The following BBS1 variants were observed in gnomAD, a reference collection of about 807,000 sequenced individuals.
BBS1 encodes Bardet-Biedl syndrome 1, also known as BBSome complex member BBS1.
In BBS1, 60 loss-of-function variants were observed where a neutral mutation model predicts 73.9. The ratio of observed to expected loss-of-function variants is 0.81; its 90% confidence interval spans 0.66 to 1.01. BBS1 has a LOEUF of 1.01. BBS1 is among the 50% of genes least tolerant of loss of function. BBS1 has a pLI of 0.00. For synonymous variants in BBS1, 283 were observed against 317.4 expected (o/e 0.89, Z 1.15); for missense variants, 718 against 770.3 (o/e 0.93, Z 0.80).
At chr11:66,512,003 A>AT (rs1265164734) in intron 3 of BBS1, among the ~76,000 whole-genome samples, 193 of 140,272 alleles carry the variant, frequency 1.4e-3, no homozygotes, top group African/African-American at 3.0e-3. Flanking sequence ...TTCAAAAAAA[A>AT]ATATATATAT....
At chr11:66,514,799 T>G in intron 4 of BBS1, 121 bp downstream of exon 4, 16 of 1,170,574 alleles carry the variant, frequency 1.4e-5, no homozygotes, top group Non-Finnish European at 1.6e-5. Flanking sequence ...AGTCCATCTC[T>G]GACAGCAGCA....
chr11:66,528,028 C>T lies in BBS1; in HGVS notation c.1339+1221C>T, dbSNP rs187120187. Among the ~76,000 whole-genome samples, 857 of 152,192 alleles carry T rather than the reference C, an allele frequency of 5.6e-3. 27 individuals carry two copies. The highest frequency in any genetic ancestry group is 3.2e-3 in the Non-Finnish European group (218 of 67,990). On this transcript the variant is annotated intron_variant, in intron 13 of 16. Transcript: ENST00000318312. Reference sequence around the variant, plus strand: ...GGCAGATCACCTGAGGTCAGGAGTTCGTGACCAGCCTGGCCAACATGGTGA... The same window carrying T: ...GGCAGATCACCTGAGGTCAGGAGTTTGTGACCAGCCTGGCCAACATGGTGA...
chr11:66,527,075 C>G (rs745970146), intron 13 of BBS1: 1 of 1,494,058 alleles, frequency 6.7e-7, no homozygotes, highest in Non-Finnish European at 9.0e-7. Context: ...CAGGAATTCT[C>G]ATGAGGAAAG....
chr11:66,515,273 G>A (rs1856024628), intron 4 of BBS1, among the ~76,000 whole-genome samples: 2 of 152,284 alleles, frequency 1.3e-5, no homozygotes, highest in East Asian at 1.9e-4. Context: ...ACCAAAGAAG[G>A]TAGGGGCCTG....
Position 66,532,602 on chromosome 11 carries a change from T to G in BBS1, c.*565T>G, listed in dbSNP as rs921862745. On this transcript the variant is annotated 3_prime_UTR_variant, in exon 17 of 17. Transcript: ENST00000318312. ...GAGCAAACCCAGGGAATAGCCCTCC[T>G]CTCCCCAGGAAACTTCTCTGAAATC... is the stretch of plus-strand genomic sequence containing the variant. The G allele has an allele frequency of 9.0e-5, 14 of 155,372 alleles. No individual in the cohort carries two copies. The highest frequency in any genetic ancestry group is 8.7e-4 in the Admixed American group (14 of 16,046). The allele number at this position is 155,372 out of a possible 1,614,324, so 9.6% of individuals were successfully genotyped here.
Position 66,526,120 on chromosome 11 carries a change from T to C in BBS1, c.1111-3T>C. ...CCAACTAAACTCTGACGTCTCCACA[T>C]AGGATGCAGTGACCAGCCTTTGCTT... On this transcript the variant is annotated splice_polypyrimidine_tract_variant and splice_region_variant and intron_variant, in intron 11 of 16. Coordinates refer to ENST00000318312, the MANE Select transcript of BBS1 (RefSeq NM_024649.5). 1 of 1,614,084 alleles carries C rather than the reference T, an allele frequency of 6.2e-7. No homozygotes were observed. Among genetic ancestry groups the C allele is most frequent in the Non-Finnish European group, 8.5e-7 (1 of 1,179,966 alleles).
chr11:66,515,555 T>G lies in BBS1; in HGVS notation c.448T>G (p.Leu150Val). Residue 150 changes from leucine (L) to valine (V), a missense_variant, in exon 5 of 17, where the codon TTA (leucine) becomes GTA (valine). Transcript: ENST00000318312. ...NQAKEDRIDP[L>V]TLKEMLESIR... ...ATTGTCACAGGACCGAATCGACCCCTTAACCCTGAAGGAGATGCTGGAGAG... is the reference window on the plus strand; with the variant it reads ...ATTGTCACAGGACCGAATCGACCCCGTAACCCTGAAGGAGATGCTGGAGAG... The G allele has an allele frequency of 6.2e-7, 1 of 1,614,138 alleles. No homozygotes were observed. Among genetic ancestry groups the G allele is most frequent in the Non-Finnish European group, 8.5e-7 (1 of 1,180,024 alleles).
intron 11 of BBS1, chr11:66,524,409 CAT>C: frequency 4.9e-6 from 1 of 202,274 alleles, no homozygotes; most frequent in Non-Finnish European, 1.0e-5. Context: ...CAGCCAGAGA[CAT>C]AGCAAATTTA....
intron 3 of BBS1, 138 bp downstream of exon 3, chr11:66,511,377 T>A: frequency 9.1e-7 from 1 of 1,094,012 alleles, no homozygotes; most frequent in Non-Finnish European, 1.3e-6. Flanking sequence ...GCGTTAAATT[T>A]TGTTTTTATA....
intron 7 of BBS1, among the ~76,000 whole-genome samples, chr11:66,516,887 A>G (rs1856060746): frequency 6.6e-6 from 1 of 152,010 alleles, no homozygotes; most frequent in African/African-American, 2.4e-5. Flanking sequence ...TAATCACACA[A>G]TGAGCACCTT....
rs10896125 is a variant in BBS1 at position 66,521,262 on chromosome 11, G to A, written c.724-8G>A. 1 of 1,611,840 alleles carries A rather than the reference G, an allele frequency of 6.2e-7. No individual in the cohort carries two copies. Among genetic ancestry groups the A allele is most frequent in the Non-Finnish European group, 8.5e-7 (1 of 1,178,100 alleles). Reference sequence around the variant, plus strand: ...AGAAATTGGAGTGTTTGCGCTTCTTGTTTGCAGATGAGCCTTCCCAGCGTC... The same window carrying A: ...AGAAATTGGAGTGTTTGCGCTTCTTATTTGCAGATGAGCCTTCCCAGCGTC... On this transcript the variant is annotated splice_polypyrimidine_tract_variant and splice_region_variant and intron_variant, in intron 8 of 16. Transcript: ENST00000318312.
intron 13 of BBS1, chr11:66,527,793 A>T (rs796684539): frequency 2.0e-5 from 3 of 152,228 alleles, no homozygotes; most frequent in African/African-American, 7.2e-5. Flanking sequence ...GAGCACACAG[A>T]GGGAGTAAGG....
At chr11:66,518,593 G>T (rs946072612) in intron 7 of BBS1, among the ~76,000 whole-genome samples, 3 of 151,962 alleles carry the variant, frequency 2.0e-5, no homozygotes, top group Non-Finnish European at 2.9e-5. Context: ...AGCCTCCTGG[G>T]TAGCTGGGAT....
intron 14 of BBS1, among the ~76,000 whole-genome samples, chr11:66,530,629 G>T (rs1024184575): frequency 3.9e-5 from 6 of 152,168 alleles, no homozygotes; most frequent in Non-Finnish European, 7.4e-5. Flanking sequence ...GGCAGGGGGT[G>T]GGGGTGAGGG....
chr11:66,527,530 G>A (rs146362603), intron 13 of BBS1: 116 of 174,656 alleles, frequency 6.6e-4, no homozygotes, highest in African/African-American at 1.6e-3. Context: ...TTAGCCAGGC[G>A]TGTTGGCATG....
intron 8 of BBS1, 81 bp from the exon 9 acceptor site, chr11:66,521,189 C>G (rs1172916284): frequency 5.8e-6 from 6 of 1,028,824 alleles, no homozygotes; most frequent in Non-Finnish European, 7.7e-6. Context: ...AGACCAGGCA[C>G]TCACTCAGAG....
intron 7 of BBS1, among the ~76,000 whole-genome samples, chr11:66,516,416 G>A (rs573442779): frequency 1.3e-5 from 2 of 152,250 alleles, no homozygotes; most frequent in Admixed American, 6.5e-5. Flanking sequence ...GTGAGCCATC[G>A]TGCCATGCCA....
chr11:66,529,402 G>A, intron 13 of BBS1: 4 of 1,192,438 alleles, frequency 3.4e-6, no homozygotes, highest in South Asian at 1.3e-5. Flanking sequence ...TGCTCACTAA[G>A]CTGCTGGAGA....
intron 7 of BBS1, among the ~76,000 whole-genome samples, chr11:66,519,201 G>C (rs1009826348): frequency 6.6e-6 from 1 of 152,148 alleles, no homozygotes; most frequent in Non-Finnish European, 1.5e-5. Flanking sequence ...GGGCAACATG[G>C]TGAAACTAAA....
Sources: allele counts gnomAD v4.1 joint callset (sites outside exome capture counted in the v4.1 genomes callset), GRCh38; gene constraint gnomAD v4.1.1; transcripts MANE v1.5; gene names NCBI Gene and HGNC (gene_info 2026-07-23, HGNC 2026-07-21).